The following ZFPM1 variants were observed in gnomAD, a reference collection of about 807,000 sequenced individuals.
ZFPM1 encodes zinc finger protein ZFPM1.
In ZFPM1, 28 loss-of-function variants were observed where a neutral mutation model predicts 46.3. The observed-to-expected ratio is 0.60, with a 90% CI of 0.45 to 0.83. The LOEUF (loss-of-function observed/expected upper bound fraction) is 0.83. Ranked by LOEUF, ZFPM1 falls within the 40% of genes least tolerant of loss-of-function variation. The pLI is 0.00. For missense variants in ZFPM1, 1,878 were observed against 1,432.4 expected (o/e 1.31, Z -5.02); for synonymous variants, 957 against 675.9 (o/e 1.42, Z -6.45).
At chr16:88,455,367 T>G (rs1042522702) in intron 1 of ZFPM1, among the ~76,000 whole-genome samples, 16 of 151,992 alleles carry the variant, frequency 1.1e-4, no homozygotes, top group Non-Finnish European at 1.5e-5. Context: ...CCCATCCTCG[T>G]TGCGGCCCGG....
Position 88,532,941 on chromosome 16 carries a change from C to G in ZFPM1, c.1189+6C>G, listed in dbSNP as rs1912914014. 1 of 1,612,640 alleles carries G rather than the reference C, an allele frequency of 6.2e-7. No individual in the cohort carries two copies. On this transcript the variant is annotated splice_donor_region_variant and intron_variant, in intron 9 of 9. Transcript: ENST00000319555. ...AGCAACCAAGCTGCCCCCAGGTGAGCAGCCCTGTGGGGGCCACCCCTGCCC... is the reference window on the plus strand; with the variant it reads ...AGCAACCAAGCTGCCCCCAGGTGAGGAGCCCTGTGGGGGCCACCCCTGCCC...
intron 1 of ZFPM1, among the ~76,000 whole-genome samples, chr16:88,454,678 A>G (rs1331312092): frequency 6.6e-6 from 1 of 152,246 alleles, no homozygotes; most frequent in Non-Finnish European, 1.5e-5. Context: ...GGAGGGAGCA[A>G]GAGCACAGGA....
chr16:88,468,252 G>A (rs535071384), intron 1 of ZFPM1, among the ~76,000 whole-genome samples: 6 of 139,374 alleles, frequency 4.3e-5, no homozygotes, highest in Non-Finnish European at 7.7e-5. Flanking sequence ...CCACCGTCCC[G>A]ACGCACCCGC....
chr16:88,494,823 A>C (rs1417183074), intron 3 of ZFPM1, among the ~76,000 whole-genome samples: 1 of 150,628 alleles, frequency 6.6e-6, no homozygotes, highest in Non-Finnish European at 1.5e-5. Context: ...GTGGCCACAG[A>C]GAAGGGACCT....
chr16:88,478,994 G>A (rs755810890), intron 1 of ZFPM1, among the ~76,000 whole-genome samples: 10 of 152,326 alleles, frequency 6.6e-5, no homozygotes, highest in African/African-American at 1.7e-4. Flanking sequence ...GGCGTGTGCC[G>A]AGCCTGGGCT....
At chr16:88,530,139 TG>T (rs1912672139) in intron 6 of ZFPM1, among the ~76,000 whole-genome samples, 1 of 151,548 alleles carries the variant, frequency 6.6e-6, no homozygotes, top group Non-Finnish European at 1.5e-5. Context: ...GGAGAGGGGG[TG>T]CCCCCGTAGT....
chr16:88,492,128 C>T (rs964935876), intron 3 of ZFPM1, among the ~76,000 whole-genome samples: 4 of 151,924 alleles, frequency 2.6e-5, no homozygotes, highest in African/African-American at 9.7e-5. Flanking sequence ...TCTCTCCCTT[C>T]CTCTCTCCCT....
chr16:88,466,478 TG>T (rs1908140152), intron 1 of ZFPM1, among the ~76,000 whole-genome samples: 2 of 152,150 alleles, frequency 1.3e-5, no homozygotes, highest in Middle Eastern at 3.4e-3. Flanking sequence ...GTGTTTGCAG[TG>T]GGGGGCAGCC....
At chr16:88,475,008 T>C (rs1460154788) in intron 1 of ZFPM1, among the ~76,000 whole-genome samples, 1 of 152,242 alleles carries the variant, frequency 6.6e-6, no homozygotes, top group Non-Finnish European at 1.5e-5. Context: ...AGGCCCGTGC[T>C]GGGACCATGC....
At chr16:88,521,900 C>T (rs1209363863) in intron 4 of ZFPM1, 1 of 153,630 alleles carries the variant, frequency 6.5e-6, no homozygotes, top group Non-Finnish European at 1.4e-5. Context: ...TCCTTGGCCC[C>T]CTCGTATCCA....
chr16:88,519,091 TGAGA>T (rs1911593852), intron 4 of ZFPM1, among the ~76,000 whole-genome samples: 1 of 105,114 alleles, frequency 9.5e-6, no homozygotes, highest in African/African-American at 3.7e-5. Flanking sequence ...GATGGATGGC[TGAGA>T]GTGTGGGTGG....
intron 4 of ZFPM1, among the ~76,000 whole-genome samples, chr16:88,525,403 G>A (rs1912235711): frequency 6.6e-6 from 1 of 152,256 alleles, no homozygotes; most frequent in African/African-American, 2.4e-5. Flanking sequence ...CCACAGGGCT[G>A]CACAAACCTG....
In ZFPM1 at chr16:88,497,678, G is replaced by T. The variant is rs1375538571; in HGVS notation, c.268+8525G>T. Among the ~76,000 whole-genome samples, 2 of 152,146 alleles carry T rather than the reference G, an allele frequency of 1.3e-5. No homozygotes were observed. The highest frequency in any genetic ancestry group is 1.9e-4 in the East Asian group (1 of 5,170). On this transcript the variant is annotated intron_variant, in intron 3 of 9. Coordinates refer to ENST00000319555, the MANE Select transcript of ZFPM1 (RefSeq NM_153813.3). The surrounding 1 kb of genome is among the most constrained non-coding windows in gnomAD (Gnocchi z 5.4). ...GAGCGATCCGGTCCAGCATCCCGGC[G>T]CTGGGAGCCGGCAGCTGCTGTGAGG... is the stretch of plus-strand genomic sequence containing the variant.
At chr16:88,464,444 G>A (rs1189887152) in intron 1 of ZFPM1, among the ~76,000 whole-genome samples, 4 of 152,372 alleles carry the variant, frequency 2.6e-5, no homozygotes, top group Non-Finnish European at 4.4e-5. Context: ...ACCACCTACC[G>A]TCTTTCCACT....
chr16:88,474,081 C>T (rs1018163086), intron 1 of ZFPM1, among the ~76,000 whole-genome samples: 4 of 152,238 alleles, frequency 2.6e-5, no homozygotes, highest in Non-Finnish European at 5.9e-5. Flanking sequence ...TGAGTAAGCG[C>T]AGGCCGCACC....
Position 88,533,617 on chromosome 16 carries a change from G to T in ZFPM1, c.1659G>T (p.Arg553=). 6.8e-7 allele frequency: 1 copy of T among 1,478,006 alleles called. No homozygotes were observed. The allele number at this position is 1,478,006 out of a possible 1,614,324, so 91.6% of individuals were successfully genotyped here. A position where few individuals can be genotyped will look rare whatever the true frequency, so the allele number is the denominator to read the frequency against. Residue 553 remains arginine (R), a synonymous_variant, in exon 10 of 10, where the codon CGG becomes CGT. Transcript: ENST00000319555. ...LAKMSELVHS[R]LQQGAGAGAG... The stretch of plus-strand genomic sequence containing the variant: ...AGATGTCCGAGCTGGTGCACAGCCG[G>T]CTGCAGCAGGGCGCGGGCGCGGGCG...
intron 1 of ZFPM1, among the ~76,000 whole-genome samples, chr16:88,462,507 G>A (rs1292651796): frequency 3.9e-5 from 6 of 152,216 alleles, no homozygotes; most frequent in African/African-American, 9.6e-5. Context: ...TGGAGGCAGC[G>A]GCAGGGCAGG....
chr16:88,534,161 G>T lies in ZFPM1; in HGVS notation c.2203G>T (p.Ala735Ser). 1.0e-6 allele frequency: 1 copy of T among 956,764 alleles called. No homozygotes were observed. Among genetic ancestry groups the T allele is most frequent in the East Asian group, 1.3e-4 (1 of 7,474 alleles). The allele number at this position is 956,764 out of a possible 1,614,324, so 59.3% of individuals were successfully genotyped here. ...GGCCGCGCCCCCGGCCCCCTCTCCC[G>T]CCGCGCCTGTGCGCACGCGCAGACG... ...GPAAPPAPSP[A>S]APVRTRRRRK... Residue 735 changes from alanine (A) to serine (S), a missense_variant, in exon 10 of 10, where the codon GCC (alanine) becomes TCC (serine). Physicochemically the swap from Ala to Ser is moderately conservative, Grantham distance 99. Transcript: ENST00000319555.
upstream of ZFPM1, among the ~76,000 whole-genome samples, chr16:88,451,974 G>T (rs1237246860): frequency 6.6e-6 from 1 of 152,176 alleles, no homozygotes; most frequent in East Asian, 1.9e-4. Flanking sequence ...TGGAGCCAGG[G>T]AATAGGTCAC....
Sources: allele counts gnomAD v4.1 joint callset (sites outside exome capture counted in the v4.1 genomes callset), GRCh38; gene constraint gnomAD v4.1.1; non-coding constraint Gnocchi (gnomAD v3.1); transcripts MANE v1.5; gene names NCBI Gene and HGNC (gene_info 2026-07-23, HGNC 2026-07-21).